The following FBXL13 variants were observed in gnomAD, a reference collection of about 807,000 sequenced individuals.
The protein encoded by FBXL13 is F-box and leucine-rich repeat protein 13.
Under a neutral mutation model 83.6 loss-of-function variants are expected in FBXL13, and 67 were observed. The observed-to-expected ratio is 0.80, with a 90% CI of 0.66 to 0.98. The LOEUF (loss-of-function observed/expected upper bound fraction) is 0.98, where lower values mean the gene tolerates loss of function less well. Ranked by LOEUF, FBXL13 falls within the 50% of genes least tolerant of loss-of-function variation. The pLI is 0.00. For missense variants in FBXL13, 822 were observed against 866.5 expected (o/e 0.95, Z 0.64); for synonymous variants, 272 against 299.5 (o/e 0.91, Z 0.95).
intron 14 of FBXL13, among the ~76,000 whole-genome samples, chr7:102,882,483 C>T (rs1271380656): frequency 2.6e-5 from 4 of 151,698 alleles, no homozygotes; most frequent in Admixed American, 2.0e-4. Context: ...GATCCTTGGC[C>T]GGGTGCAGAG....
intron 1 of FBXL13, among the ~76,000 whole-genome samples, chr7:103,057,910 G>C (rs1797491685): frequency 6.6e-6 from 1 of 152,048 alleles, no homozygotes; most frequent in Non-Finnish European, 1.5e-5. Context: ...GTTGGGGGTG[G>C]TCGGGATGCT....
intron 1 of FBXL13, among the ~76,000 whole-genome samples, chr7:103,069,994 G>C (rs1563298915): frequency 6.6e-6 from 1 of 151,364 alleles, no homozygotes; most frequent in African/African-American, 2.4e-5. Context: ...CAGGAGAATG[G>C]CGTGAAGCCA....
chr7:102,977,231 A>G (rs1011898523), intron 6 of FBXL13, among the ~76,000 whole-genome samples: 1 of 152,204 alleles, frequency 6.6e-6, no homozygotes, highest in African/African-American at 2.4e-5. Context: ...AATTAAGGCT[A>G]CAGGCTGTTC....
At chr7:102,886,479 A>G (rs1297609104) in intron 11 of FBXL13, among the ~76,000 whole-genome samples, 1 of 152,230 alleles carries the variant, frequency 6.6e-6, no homozygotes, top group Non-Finnish European at 1.5e-5. Flanking sequence ...CAGGACAACC[A>G]GAGCTCAACT....
chr7:102,877,159 T>C (rs1338938184), intron 16 of FBXL13, among the ~76,000 whole-genome samples: 1 of 152,218 alleles, frequency 6.6e-6, no homozygotes, highest in Non-Finnish European at 1.5e-5. Context: ...TTAAGCCATC[T>C]AACATATATT....
intron 6 of FBXL13, among the ~76,000 whole-genome samples, chr7:103,020,889 G>A (rs1048129466): frequency 3.9e-5 from 6 of 152,082 alleles, no homozygotes; most frequent in South Asian, 2.1e-4. Context: ...AATCAATATC[G>A]TGAAAATGGC....
intron 18 of FBXL13, among the ~76,000 whole-genome samples, chr7:102,826,568 T>C (rs1799651856): frequency 6.6e-6 from 1 of 150,614 alleles, no homozygotes; most frequent in South Asian, 2.1e-4. Context: ...AAACCCCATA[T>C]CTACAAAAAA....
At chr7:103,027,507 A>G in exon 5 of FBXL13, 1 of 1,613,332 alleles carries the variant, frequency 6.2e-7, no homozygotes, top group East Asian at 2.2e-5. Context: ...TTTTGTTAGG[A>G]TAATGGTTAG....
In FBXL13 at chr7:102,866,354, C is replaced by G. The variant is rs943556672; in HGVS notation, c.1635+11113G>C. On this transcript the variant is annotated intron_variant, in intron 16 of 19. Transcript: ENST00000313221. Reference sequence around the variant, plus strand: ...GGACCATAACCTCTGTGAGAAGGAACCACTATCACTAGCTTGATGGGACCA... The same window carrying G: ...GGACCATAACCTCTGTGAGAAGGAAGCACTATCACTAGCTTGATGGGACCA... 3.4e-4 allele frequency among the ~76,000 whole-genome samples: 51 copies of G among 152,094 alleles called. 2 individuals are homozygous for G. Among genetic ancestry groups the G allele is most frequent in the Non-Finnish European group, 1.5e-5 (1 of 68,014 alleles).
chr7:103,073,069 T>C (rs1023287069), intron 1 of FBXL13, among the ~76,000 whole-genome samples: 1 of 152,200 alleles, frequency 6.6e-6, no homozygotes, highest in African/African-American at 2.4e-5. Flanking sequence ...CAAAACTCAC[T>C]GTAATAAATT....
In FBXL13 at chr7:102,968,140, A is replaced by T. The variant is rs1036076611; in HGVS notation, c.496-23T>A. On this transcript the variant is annotated intron_variant, in intron 6 of 19. Transcript: ENST00000313221. ...AATCTAAACACAAAGAAAAATACAC[A>T]ACTTTGAAAAATGTGAACTTTGATG... The T allele has an allele frequency of 2.0e-6, 3 of 1,529,836 alleles. No homozygotes were observed. The African/African-American group carries it at 4.1e-5, about 21-fold the overall frequency. 94.8% of individuals were successfully genotyped at this position (1,529,836 alleles called of 1,614,324 possible).
chr7:102,853,311 C>T (rs1236161517), intron 17 of FBXL13, among the ~76,000 whole-genome samples: 1 of 152,212 alleles, frequency 6.6e-6, no homozygotes, highest in African/African-American at 2.4e-5. Context: ...ACCACCCATT[C>T]CCCAAAAACC....
At chr7:102,860,845 TAC>T (rs1806704129) in intron 16 of FBXL13, among the ~76,000 whole-genome samples, 1 of 152,130 alleles carries the variant, frequency 6.6e-6, no homozygotes, top group Non-Finnish European at 1.5e-5. Flanking sequence ...AATACTGACA[TAC>T]ACTTCATATA....
chr7:103,071,409 G>A (rs567791367), intron 1 of FBXL13, among the ~76,000 whole-genome samples: 74 of 151,960 alleles, frequency 4.9e-4, no homozygotes, highest in African/African-American at 1.8e-3. Context: ...TTAGAGATAG[G>A]GTCTTGCTCC....
intron 10 of FBXL13, among the ~76,000 whole-genome samples, chr7:102,917,107 T>C (rs1816050995): frequency 6.6e-6 from 1 of 152,178 alleles, no homozygotes; most frequent in Non-Finnish European, 1.5e-5. Flanking sequence ...GGCTCTCTGG[T>C]TTCACAGAGG....
chr7:102,976,888 A>G (rs1327981641), intron 6 of FBXL13, among the ~76,000 whole-genome samples: 1 of 152,188 alleles, frequency 6.6e-6, no homozygotes, highest in African/African-American at 2.4e-5. Flanking sequence ...CAGTATGTCC[A>G]GTAGCTCCTA....
chr7:102,949,443 A>C (rs1463040975), intron 8 of FBXL13, among the ~76,000 whole-genome samples: 1 of 152,124 alleles, frequency 6.6e-6, no homozygotes, highest in East Asian at 1.9e-4. Flanking sequence ...CCCTCTGGTA[A>C]GCCCTAGTGT....
At position 103,023,187 on chromosome 7, in the gene FBXL13, A is replaced by G. The variant is rs150420122; in HGVS notation, c.495+1876T>C. Among the ~76,000 whole-genome samples the G allele has an allele frequency of 4.8e-3, 729 of 152,240 alleles. 6 individuals carry two copies. Among genetic ancestry groups the G allele is most frequent in the African/African-American group, 0.017 (689 of 41,538 alleles). On this transcript the variant is annotated intron_variant, in intron 6 of 19. Transcript: ENST00000313221. ...GCTACTCAGGAGGCTGAGGCAGGAG[A>G]ATGCCGTGAAACCGGGAGGTGGAGC...
At chr7:103,024,680 A>T (rs1388102299) in intron 6 of FBXL13, among the ~76,000 whole-genome samples, 1 of 150,626 alleles carries the variant, frequency 6.6e-6, no homozygotes, top group East Asian at 1.9e-4. Context: ...CCAGTAAGAA[A>T]ATTATAGGAA....
Sources: gnomAD v4.1 joint callset for allele counts (sites outside exome capture counted in the v4.1 genomes callset) on GRCh38, gnomAD v4.1.1 for gene constraint, MANE v1.5 for transcripts, NCBI Gene and HGNC (gene_info 2026-07-23, HGNC 2026-07-21) for gene names.